LINGO2: variants seen among roughly 807,000 people sequenced by gnomAD.
LINGO2 encodes leucine-rich repeat and immunoglobulin-like domain-containing nogo receptor-interacting protein 2.
LINGO2 carries 14 observed loss-of-function variants against 30.6 expected under a neutral mutation model. The ratio of observed to expected loss-of-function variants is 0.46; its 90% CI spans 0.30 to 0.72. The LOEUF is 0.72. Among genes scored for constraint, LINGO2 ranks in the 30% least tolerant of loss-of-function variants. The pLI, the probability that LINGO2 is intolerant of heterozygous loss-of-function variation, is 0.07. For missense variants in LINGO2, 729 were observed against 751.7 expected, an observed-to-expected ratio of 0.97 and a Z score of 0.35; for synonymous variants, 317 against 288.5, an observed-to-expected ratio of 1.10 and a Z score of -1.00.
intron 1 of LINGO2, among the ~76,000 whole-genome samples, chr9:28,507,767 A>G (rs565355512): frequency 2.0e-5 from 3 of 152,148 alleles, no homozygotes; most frequent in Non-Finnish European, 4.4e-5. Flanking sequence ...TTCATGTACT[A>G]CATAATATGA....
intron 4 of LINGO2, among the ~76,000 whole-genome samples, chr9:28,287,628 T>G (rs1177058441): frequency 6.6e-6 from 1 of 152,080 alleles, no homozygotes; most frequent in African/African-American, 2.4e-5. Context: ...CAGTGATTGA[T>G]GTGATGATAA....
the LINGO2 span, among the ~76,000 whole-genome samples, chr9:28,712,780 A>C: frequency 1.3e-5 from 2 of 152,118 alleles, no homozygotes; most frequent in Non-Finnish European, 2.9e-5. Flanking sequence ...TTTTTGTTGC[A>C]TGTGTTTTGC....
At chr9:28,909,021 G>A in the LINGO2 span, among the ~76,000 whole-genome samples, 54 of 151,956 alleles carry the variant, frequency 3.6e-4, no homozygotes, top group African/African-American at 1.2e-3. Flanking sequence ...AATTGGACAG[G>A]AATAAGAAAC....
At chr9:28,305,732 A>T (rs889268873) in intron 3 of LINGO2, among the ~76,000 whole-genome samples, 9 of 152,038 alleles carry the variant, frequency 5.9e-5, no homozygotes, top group African/African-American at 2.2e-4. Context: ...TAATTTCTTT[A>T]AAAAATTCTG....
At chr9:28,784,478 T>G in the LINGO2 span, among the ~76,000 whole-genome samples, 3 of 152,172 alleles carry the variant, frequency 2.0e-5, no homozygotes, top group East Asian at 5.8e-4. Flanking sequence ...TTCTCATCAA[T>G]ACAACGGGCA....
the LINGO2 span, among the ~76,000 whole-genome samples, chr9:29,030,984 C>A: frequency 2.0e-5 from 3 of 152,124 alleles, no homozygotes; most frequent in Admixed American, 6.6e-5. Context: ...TGTACATAAA[C>A]AAACTTGTTT....
At chr9:28,516,933 T>A (rs1050980868) in intron 1 of LINGO2, among the ~76,000 whole-genome samples, 3 of 152,186 alleles carry the variant, frequency 2.0e-5, no homozygotes, top group Non-Finnish European at 4.4e-5. Flanking sequence ...CAATGTCTAT[T>A]TAGAGCAATT....
chr9:28,022,417 ATATAGG>A (rs1025113863), intron 4 of LINGO2, among the ~76,000 whole-genome samples: 1 of 152,086 alleles, frequency 6.6e-6, no homozygotes, highest in Non-Finnish European at 1.5e-5. Context: ...ACTCTTCTTA[ATATAGG>A]TATGAGTTTC....
At chr9:28,596,692 G>A (rs1825197052) in intron 1 of LINGO2, among the ~76,000 whole-genome samples, 1 of 152,132 alleles carries the variant, frequency 6.6e-6, no homozygotes, top group Non-Finnish European at 1.5e-5. Context: ...AACAATGTAT[G>A]ATATCAATGC....
chr9:28,495,044 C>T (rs180898082), intron 1 of LINGO2, among the ~76,000 whole-genome samples: 176 of 152,204 alleles, frequency 1.2e-3, no homozygotes, highest in Non-Finnish European at 1.7e-3. Flanking sequence ...TCATATCCTT[C>T]GCCCACTTTT....
chr9:28,597,172 G>C (rs1587934197), intron 1 of LINGO2, among the ~76,000 whole-genome samples: 1 of 152,068 alleles, frequency 6.6e-6, no homozygotes, highest in East Asian at 1.9e-4. Flanking sequence ...TGTGCCTGGG[G>C]ACCAATTTAA....
intron 5 of LINGO2, among the ~76,000 whole-genome samples, chr9:27,964,269 A>C (rs933979974): frequency 6.6e-6 from 1 of 152,140 alleles, no homozygotes; most frequent in African/African-American, 2.4e-5. Flanking sequence ...CTAAAAGTTT[A>C]CAGGTGTAAT....
chr9:29,131,221 G>C, the LINGO2 span, among the ~76,000 whole-genome samples: 1 of 152,028 alleles, frequency 6.6e-6, no homozygotes, highest in African/African-American at 2.4e-5. Flanking sequence ...CCATTCTATG[G>C]AACAAAATAA....
the LINGO2 span, among the ~76,000 whole-genome samples, chr9:28,690,355 C>A: frequency 6.6e-6 from 1 of 152,052 alleles, no homozygotes; most frequent in African/African-American, 2.4e-5. Context: ...GATTCCTGAC[C>A]CATAAAAATT....
At chr9:28,976,205 C>T in the LINGO2 span, among the ~76,000 whole-genome samples, 6 of 152,208 alleles carry the variant, frequency 3.9e-5, no homozygotes, top group East Asian at 1.2e-3. Flanking sequence ...TCTCAGTTTC[C>T]AATAAGCAAG....
chr9:28,171,011 C>G (rs143415992), intron 4 of LINGO2, among the ~76,000 whole-genome samples: 514 of 152,340 alleles, frequency 3.4e-3, no homozygotes, highest in Non-Finnish European at 6.0e-3. Flanking sequence ...TGGGCACCAT[C>G]ATCCCCAACC....
chr9:28,497,433 T>C (rs1057443470), intron 1 of LINGO2, among the ~76,000 whole-genome samples: 1 of 152,214 alleles, frequency 6.6e-6, no homozygotes, highest in African/African-American at 2.4e-5. Flanking sequence ...TGATACCCTT[T>C]CTTCCAGTTG....
intron 1 of LINGO2, among the ~76,000 whole-genome samples, chr9:28,563,850 G>C (rs1339144611): frequency 6.6e-6 from 1 of 152,074 alleles, no homozygotes; most frequent in African/African-American, 2.4e-5. Context: ...CTCCTGAGTT[G>C]TTTCTGGTCC....
the LINGO2 span, among the ~76,000 whole-genome samples, chr9:28,968,228 T>C: frequency 0.21 from 32,208 of 151,940 alleles, 3,815 homozygotes; most frequent in African/African-American, 0.32. Context: ...TTACAGAAAA[T>C]AGACATGCCG....
Sources: gnomAD v4.1 joint callset for allele counts (sites outside exome capture counted in the v4.1 genomes callset) on GRCh38, gnomAD v4.1.1 for gene constraint, MANE v1.5 for transcripts, NCBI Gene and HGNC (gene_info 2026-07-23, HGNC 2026-07-21) for gene names.